Variants in ASAP1 observed in about 807,000 individuals in gnomAD.
The protein encoded by ASAP1 is ArfGAP with SH3 domain, ankyrin repeat and PH domain 1.
In ASAP1, 43 loss-of-function variants were observed where a neutral mutation model predicts 145.2. That is an observed-to-expected ratio of 0.30 (90% CI 0.23 to 0.38). The LOEUF (loss-of-function observed/expected upper bound fraction) is 0.38, where lower values mean the gene tolerates loss of function less well. Among genes scored for constraint, ASAP1 ranks in the 10% least tolerant of loss-of-function variants. The probability of loss-of-function intolerance (pLI) is 1.00; values close to 1 mark genes in which losing one functional copy is unlikely to be tolerated. For missense variants in ASAP1, 1,018 were observed against 1,355.3 expected (o/e 0.75, Z 3.91); for synonymous variants, 546 against 515.5 (o/e 1.06, Z -0.80).
At chr8:130,129,411 G>A (rs775261481) in intron 15 of ASAP1, among the ~76,000 whole-genome samples, 3 of 152,138 alleles carry the variant, frequency 2.0e-5, no homozygotes, top group Non-Finnish European at 2.9e-5. Flanking sequence ...GGAATTGCCC[G>A]ACTTTGTGCC....
chr8:130,438,168 G>C (rs1181506165), intron 1 of ASAP1, among the ~76,000 whole-genome samples: 1 of 152,164 alleles, frequency 6.6e-6, no homozygotes, highest in Non-Finnish European at 1.5e-5. Context: ...TTCTGGGGAG[G>C]ATCTGGGACA....
At chr8:130,197,158 A>G (rs1369279924) in intron 5 of ASAP1, among the ~76,000 whole-genome samples, 1 of 152,244 alleles carries the variant, frequency 6.6e-6, no homozygotes, top group African/African-American at 2.4e-5. Flanking sequence ...GGCCAGGTGC[A>G]GTGGCACATC....
At chr8:130,227,344 A>G (rs1458671518) in intron 4 of ASAP1, among the ~76,000 whole-genome samples, 1 of 151,678 alleles carries the variant, frequency 6.6e-6, no homozygotes, top group African/African-American at 2.4e-5. Flanking sequence ...ACTTGACCTC[A>G]CTGGTTCTGG....
intron 2 of ASAP1, among the ~76,000 whole-genome samples, chr8:130,362,873 A>G (rs915955259): frequency 1.3e-5 from 2 of 152,224 alleles, no homozygotes; most frequent in Non-Finnish European, 1.5e-5. Context: ...AAAATAGCCT[A>G]TTTTCATGCA....
At position 130,052,176 on chromosome 8, in the gene ASAP1, C is replaced by T. The variant is rs977060754; in HGVS notation, c.*2555G>A. 1 of 152,612 alleles carries T rather than the reference C, an allele frequency of 6.6e-6. No homozygotes were observed. The highest frequency in any genetic ancestry group is 2.4e-5 in the African/African-American group (1 of 41,438). 9.5% of individuals were successfully genotyped at this position (152,612 alleles called of 1,614,324 possible). A position where few individuals can be genotyped will look rare whatever the true frequency, so the allele number is the denominator to read the frequency against. On this transcript the variant is annotated 3_prime_UTR_variant, in exon 30 of 30. Coordinates refer to ENST00000518721, the MANE Select transcript of ASAP1 (RefSeq NM_018482.4). ...TAAAAAAAGTAGAAATTAACACATA[C>T]AGTACTGAAAAACTGTCACATTAAA...
chr8:130,070,347 C>A (rs2097440408), intron 27 of ASAP1, among the ~76,000 whole-genome samples: 1 of 152,134 alleles, frequency 6.6e-6, no homozygotes, highest in Admixed American at 6.5e-5. Context: ...GACTGCATCT[C>A]TTTTATTTGA....
At chr8:130,167,477 G>A (rs752176013) in intron 11 of ASAP1, 59 bp downstream of exon 11, 1 of 1,318,956 alleles carries the variant, frequency 7.6e-7, no homozygotes, top group Non-Finnish European at 1.1e-6. Context: ...AACACAAAGG[G>A]TATTACAAGC....
At chr8:130,266,510 G>T (rs1396813246) in intron 3 of ASAP1, among the ~76,000 whole-genome samples, 1 of 151,964 alleles carries the variant, frequency 6.6e-6, no homozygotes, top group Admixed American at 6.6e-5. Context: ...CACCCCAGGA[G>T]AATCAAATGC....
At chr8:130,230,101 CAA>C (rs1246178186) in intron 4 of ASAP1, among the ~76,000 whole-genome samples, 26 of 129,430 alleles carry the variant, frequency 2.0e-4, no homozygotes, top group South Asian at 1.8e-3. Context: ...AACAAACAAA[CAA>C]ACACCAACCC....
chr8:130,401,335 T>C lies in ASAP1; in HGVS notation c.59+550A>G, dbSNP rs535687563. On this transcript the variant is annotated intron_variant, in intron 2 of 29. Coordinates refer to ENST00000518721, the MANE Select transcript of ASAP1 (RefSeq NM_018482.4). ...ATCTTGGCTCACTGCAACCTTTGCC[T>C]CCTGGGTTCAAGCAATTCCACTGCC... 2.6e-5 allele frequency among the ~76,000 whole-genome samples: 4 copies of C among 152,256 alleles called. No homozygotes were observed. The East Asian group carries it at 7.7e-4, about 29-fold the overall frequency.
chr8:130,054,742 G>A lies in ASAP1; in HGVS notation c.3379C>T (p.Leu1127=). The A allele has an allele frequency of 6.2e-7, 1 of 1,613,522 alleles. No individual in the cohort carries two copies. The highest frequency in any genetic ancestry group is 8.5e-7 in the Non-Finnish European group (1 of 1,179,538). ...GGTTCTGCGTTTTGCTAGTCAGACAGGATATGAACAAAGGACACTGGAAAG... is the reference window on the plus strand; with the variant it reads ...GGTTCTGCGTTTTGCTAGTCAGACAAGATATGAACAAAGGACACTGGAAAG... ...GVFPVSFVHI[L]SD Residue 1127 remains leucine (L), a synonymous_variant, in exon 30 of 30, where the codon CTG becomes TTG. Coordinates refer to ENST00000518721, the MANE Select transcript of ASAP1 (RefSeq NM_018482.4).
Position 130,060,669 on chromosome 8 carries a change from G to A in ASAP1, c.3102C>T (p.Asp1034=), listed in dbSNP as rs200747887. The A allele has an allele frequency of 1.5e-5, 25 of 1,614,158 alleles. No homozygotes were observed. Among genetic ancestry groups the A allele is most frequent in the Admixed American group, 8.3e-5 (5 of 60,010 alleles). ...LDLSPNVQSR[D]AIQKQASEDS... ...CTTCAGATGCTTGCTTTTGGATGGCGTCTCTGGACTGCACATTTGGGGATA... is the reference window on the plus strand; with the variant it reads ...CTTCAGATGCTTGCTTTTGGATGGCATCTCTGGACTGCACATTTGGGGATA... The change falls in exon 28 of 30, where the codon GAC becomes GAT. Residue 1034 remains aspartate (D), a synonymous_variant. Transcript: ENST00000518721.
chr8:130,410,105 A>C (rs1829200886), intron 1 of ASAP1, among the ~76,000 whole-genome samples: 1 of 152,236 alleles, frequency 6.6e-6, no homozygotes, highest in Non-Finnish European at 1.5e-5. Context: ...AGTGAGAATT[A>C]TCTTCTGGGA....
chr8:130,205,589 G>A (rs1163188309), intron 5 of ASAP1, among the ~76,000 whole-genome samples: 3 of 109,080 alleles, frequency 2.8e-5, no homozygotes, highest in Admixed American at 9.8e-5. Context: ...TAAAATACAC[G>A]GCTTTTTTTT....
At chr8:130,185,729 CA>C (rs778486303) in intron 7 of ASAP1, among the ~76,000 whole-genome samples, 1,751 of 57,096 alleles carry the variant, frequency 0.031, 11 homozygotes, top group African/African-American at 0.071. Context: ...AACTCCGCCT[CA>C]AAAAAAAAAA....
intron 3 of ASAP1, among the ~76,000 whole-genome samples, chr8:130,247,878 TC>T (rs1390119593): frequency 2.6e-5 from 4 of 152,200 alleles, no homozygotes; most frequent in Admixed American, 1.3e-4. Flanking sequence ...ACAATGAGCA[TC>T]ATTTTCACTA....
At chr8:130,269,786 T>C (rs896312500) in intron 3 of ASAP1, among the ~76,000 whole-genome samples, 7 of 152,204 alleles carry the variant, frequency 4.6e-5, no homozygotes, top group African/African-American at 1.7e-4. Context: ...AATTTTTGTC[T>C]TATCTGGTCT....
chr8:130,115,850 G>A lies in ASAP1; in HGVS notation c.2065-115C>T, dbSNP rs1005877078. 1.3e-5 allele frequency: 10 copies of A among 763,246 alleles called. No homozygotes were observed. In the East Asian group the frequency reaches 2.0e-4, roughly 15 times the overall value. The allele number at this position is 763,246 out of a possible 1,614,324, so 47.3% of individuals were successfully genotyped here. On this transcript the variant is annotated intron_variant, in intron 22 of 29. Transcript: ENST00000518721. ...CTAGTTTTCAATGAATCATCTGTAG[G>A]TGTACTATAGGCAACACTCTGCTTA... is the stretch of plus-strand genomic sequence containing the variant.
At chr8:130,351,569 T>C (rs1261386060) in intron 3 of ASAP1, among the ~76,000 whole-genome samples, 1 of 152,148 alleles carries the variant, frequency 6.6e-6, no homozygotes, top group Non-Finnish European at 1.5e-5. Context: ...CTTCTGCGGA[T>C]GCCTCAGGGA....
Sources: gnomAD v4.1 joint callset for allele counts (sites outside exome capture counted in the v4.1 genomes callset) on GRCh38, gnomAD v4.1.1 for gene constraint, MANE v1.5 for transcripts, NCBI Gene and HGNC (gene_info 2026-07-23, HGNC 2026-07-21) for gene names.